The following SMARCA5 variants were observed in gnomAD, a reference collection of about 807,000 sequenced individuals.
The protein encoded by SMARCA5 is SNF2 related chromatin remodeling ATPase 5.
SMARCA5 carries 18 observed loss-of-function variants against 140.4 expected under a neutral mutation model. The observed-to-expected ratio is 0.13, with a 90% CI of 0.09 to 0.19. The LOEUF (loss-of-function observed/expected upper bound fraction) is 0.19, where lower values mean the gene tolerates loss of function less well. SMARCA5 is among the 10% of genes least tolerant of loss of function. SMARCA5 has a pLI of 1.00. For synonymous variants in SMARCA5, 449 were observed against 419.6 expected, an observed-to-expected ratio of 1.07 and a Z score of -0.86; for missense variants, 606 against 1,276.8, an observed-to-expected ratio of 0.47 and a Z score of 8.01.
Position 143,553,224 on chromosome 4 carries a change from G to T in SMARCA5, c.*40G>T, listed in dbSNP as rs1737680894. The T allele has an allele frequency of 3.5e-6, 5 of 1,410,074 alleles. No homozygotes were observed. The highest frequency in any genetic ancestry group is 5.0e-6 in the Non-Finnish European group (5 of 994,758). The allele number at this position is 1,410,074 out of a possible 1,614,324, so 87.3% of individuals were successfully genotyped here. ...CATAATCACTAACTTTAAACCAGTA[G>T]TTCTTTAATTTACGGGTCTTCATAA... On this transcript the variant is annotated 3_prime_UTR_variant, in exon 24 of 24. Transcript: ENST00000283131.
intron 8 of SMARCA5, among the ~76,000 whole-genome samples, chr4:143,528,958 G>A (rs1222442922): frequency 2.0e-5 from 3 of 151,528 alleles, no homozygotes; most frequent in South Asian, 2.1e-4. Flanking sequence ...TTTTTGAGAC[G>A]TAGTCTCACT....
At chr4:143,520,555 T>C (rs1375200158) in intron 2 of SMARCA5, among the ~76,000 whole-genome samples, 1 of 152,248 alleles carries the variant, frequency 6.6e-6, no homozygotes, top group Non-Finnish European at 1.5e-5. Context: ...TGTTACAACA[T>C]TATGGCATTT....
In SMARCA5 at chr4:143,525,512, G is replaced by A; in HGVS notation, c.582G>A (p.Leu194=). The A allele has an allele frequency of 6.2e-7, 1 of 1,613,292 alleles. No homozygotes were observed. The highest frequency in any genetic ancestry group is 8.5e-7 in the Non-Finnish European group (1 of 1,179,256). ...QVRGLNWLIS[L]YENGINGILA... ...GAGGATTAAACTGGCTCATTTCTTT[G>A]TATGAGAATGGCATCAATGGTATCC... The change falls in exon 5 of 24, where the codon TTG becomes TTA. Residue 194 remains leucine, a synonymous_variant. Coordinates refer to ENST00000283131, the MANE Select transcript of SMARCA5 (RefSeq NM_003601.4).
intron 14 of SMARCA5, among the ~76,000 whole-genome samples, chr4:143,541,356 G>T (rs1004607126): frequency 2.0e-5 from 3 of 152,306 alleles, no homozygotes; most frequent in Admixed American, 2.0e-4. Context: ...TACTGATTAT[G>T]TAGGTATCTT....
At position 143,555,097 on chromosome 4, in the gene SMARCA5, A is replaced by G; in HGVS notation, c.*1913A>G. On this transcript the variant is annotated 3_prime_UTR_variant, in exon 24 of 24. Transcript: ENST00000283131. ...CTGGCAGTAATTAAAATCTTCTGTC[A>G]GTGCCACAGCTACTACTGCTACTGG... The G allele has an allele frequency of 1.5e-6, 1 of 650,382 alleles. No individual in the cohort carries two copies. Among genetic ancestry groups the G allele is most frequent in the East Asian group, 2.9e-5 (1 of 34,460 alleles). 40.3% of individuals were successfully genotyped at this position (650,382 alleles called of 1,614,324 possible). A position where few individuals can be genotyped will look rare whatever the true frequency, so the allele number is the denominator to read the frequency against.
rs576893102 is a variant in SMARCA5, at chr4:143,555,799, C to G, written c.*2615C>G. 2.6e-5 allele frequency: 4 copies of G among 155,772 alleles called. No homozygotes were observed. The highest frequency in any genetic ancestry group is 9.7e-5 in the African/African-American group (4 of 41,448). 9.6% of individuals were successfully genotyped at this position (155,772 alleles called of 1,614,324 possible). The stretch of plus-strand genomic sequence containing the variant: ...CAAGTAGCTAGGACTACAGATACCA[C>G]GCCCAGCTAAGTTTTTTTAGTTTTT... On this transcript the variant is annotated 3_prime_UTR_variant, in exon 24 of 24. Transcript: ENST00000283131.
At position 143,513,778 on chromosome 4, in the gene SMARCA5, C is replaced by A; in HGVS notation, c.-147C>A. 2 of 894,766 alleles carry A rather than the reference C, an allele frequency of 2.2e-6. No individual in the cohort carries two copies. The highest frequency in any genetic ancestry group is 3.3e-6 in the Non-Finnish European group (2 of 600,234). The allele number at this position is 894,766 out of a possible 1,614,324, so 55.4% of individuals were successfully genotyped here. A position where few individuals can be genotyped will look rare whatever the true frequency, so the allele number is the denominator to read the frequency against. ...GCTCCTGGGCCCGGCTCAGGCCCGT[C>A]GCGGAGGCGCGGCGCAGGGGAGCGC... is the stretch of plus-strand genomic sequence containing the variant. On this transcript the variant is annotated 5_prime_UTR_variant, in exon 1 of 24. Transcript: ENST00000283131.
At chr4:143,552,314 A>AATT (rs372848964) in intron 23 of SMARCA5, among the ~76,000 whole-genome samples, 2 of 152,160 alleles carry the variant, frequency 1.3e-5, no homozygotes, top group African/African-American at 4.8e-5. Context: ...GTTTTTCCAA[A>AATT]TGTAAGATTA....
chr4:143,534,054 C>T (rs937019455), intron 9 of SMARCA5, among the ~76,000 whole-genome samples: 3 of 152,048 alleles, frequency 2.0e-5, no homozygotes, highest in East Asian at 1.9e-4. Context: ...GTTTTCCCAA[C>T]GGCATGTGTT....
rs1736754553 is a variant in SMARCA5, at chr4:143,513,826, C to T, written c.-99C>T. 4 of 1,363,866 alleles carry T rather than the reference C, an allele frequency of 2.9e-6. No homozygotes were observed. In the South Asian group the frequency reaches 4.1e-5, roughly 14 times the overall value. 84.5% of individuals were successfully genotyped at this position (1,363,866 alleles called of 1,614,324 possible). On this transcript the variant is annotated 5_prime_UTR_variant, in exon 1 of 24. Transcript: ENST00000283131. ...CGCTCGGGTGGGAGTCTCGCTCCTC[C>T]ACCAGTTTATTGCGACGTAGCATCC...
At chr4:143,533,326 A>T (rs906601186) in intron 9 of SMARCA5, among the ~76,000 whole-genome samples, 1 of 152,264 alleles carries the variant, frequency 6.6e-6, no homozygotes, top group Admixed American at 6.5e-5. Flanking sequence ...AATGATTTCT[A>T]GAGTGTTCTA....
intron 8 of SMARCA5, among the ~76,000 whole-genome samples, chr4:143,529,142 C>G (rs1225214995): frequency 6.6e-6 from 1 of 152,072 alleles, no homozygotes; most frequent in Non-Finnish European, 1.5e-5. Flanking sequence ...GCCATGTTGT[C>G]CAGGCTGGTC....
intron 23 of SMARCA5, among the ~76,000 whole-genome samples, chr4:143,551,538 T>TA (rs1234908552): frequency 6.6e-6 from 1 of 152,174 alleles, no homozygotes; most frequent in African/African-American, 2.4e-5. Context: ...TTTGAGGACT[T>TA]AAAGTCTTTA....
In SMARCA5 at chr4:143,526,264, A is replaced by G. The variant is rs372252293; in HGVS notation, c.622-17A>G. Reference sequence around the variant, plus strand: ...TTTCATTTTTCACTGCTTCATGGTTATTTTGAAATCTTTCAGGGCCTAGGA... The same window carrying G: ...TTTCATTTTTCACTGCTTCATGGTTGTTTTGAAATCTTTCAGGGCCTAGGA... On this transcript the variant is annotated splice_polypyrimidine_tract_variant and intron_variant, in intron 5 of 23. Transcript: ENST00000283131. 18 of 1,603,364 alleles carry G rather than the reference A, an allele frequency of 1.1e-5. No homozygotes were observed. In the African/African-American group the frequency reaches 1.6e-4, roughly 14 times the overall value.
chr4:143,549,255 G>T (rs529311722), intron 22 of SMARCA5, among the ~76,000 whole-genome samples: 1 of 152,034 alleles, frequency 6.6e-6, no homozygotes, highest in South Asian at 2.1e-4. Flanking sequence ...TCTAAGTCTT[G>T]TGTGGTGTAT....
chr4:143,545,182 C>A (rs1334334418), intron 17 of SMARCA5, among the ~76,000 whole-genome samples: 3 of 152,168 alleles, frequency 2.0e-5, no homozygotes, highest in Admixed American at 1.3e-4. Flanking sequence ...ACCTCATGAT[C>A]CGCCCACCTT....
At chr4:143,533,602 G>T (rs1737244188) in intron 9 of SMARCA5, among the ~76,000 whole-genome samples, 1 of 150,090 alleles carries the variant, frequency 6.7e-6, no homozygotes, top group South Asian at 2.1e-4. Flanking sequence ...CCGCCTCCCG[G>T]GTTCACACCA....
chr4:143,550,410 T>C (rs1737619692), intron 23 of SMARCA5, among the ~76,000 whole-genome samples: 1 of 151,934 alleles, frequency 6.6e-6, no homozygotes, highest in Non-Finnish European at 1.5e-5. Context: ...TCAGGGTAAA[T>C]GGGGTATTTA....
intron 14 of SMARCA5, among the ~76,000 whole-genome samples, chr4:143,542,827 T>C (rs562878235): frequency 6.6e-6 from 1 of 152,248 alleles, no homozygotes; most frequent in African/African-American, 2.4e-5. Context: ...TCCAGATACA[T>C]TTTCTCACCA....
Sources: gnomAD v4.1 joint callset for allele counts (sites outside exome capture counted in the v4.1 genomes callset) on GRCh38, gnomAD v4.1.1 for gene constraint, MANE v1.5 for transcripts, NCBI Gene and HGNC (gene_info 2026-07-23, HGNC 2026-07-21) for gene names.